Variants in IGSF10 observed in about 807,000 individuals in gnomAD.
IGSF10 encodes the protein calvaria mechanical force protein 608.
A neutral mutation model predicts 128.2 loss-of-function variants in IGSF10; 126 were observed. The observed-to-expected ratio is 0.98, with a 90% confidence interval of 0.85 to 1.14. IGSF10 has a LOEUF of 1.14. IGSF10 is among the 50% of genes most tolerant of loss of function. IGSF10 has a pLI of 0.00. For missense variants in IGSF10, 3,295 were observed against 3,149.8 expected (o/e 1.05, Z -1.10); for synonymous variants, 1,185 against 1,146.2 (o/e 1.03, Z -0.68).
the IGSF10 span, among the ~76,000 whole-genome samples, chr3:151,610,159 G>A: frequency 6.6e-6 from 1 of 152,168 alleles, no homozygotes; most frequent in Non-Finnish European, 1.5e-5. Context: ...GGTGGCAGTT[G>A]GGTGGAAGGA....
rs2108575062 is a variant in IGSF10, at chr3:151,457,007, C to CT, written c.324+18dup. 6.2e-7 allele frequency: 1 copy of CT among 1,614,026 alleles called. No individual in the cohort carries two copies. The highest frequency in any genetic ancestry group is 8.5e-7 in the Non-Finnish European group (1 of 1,179,956). ...CCACCTTACCTCTTTAACCTGCCCC[C>CT]TCTCTCCATCAGTCTCACCTGCAAG... On this transcript the variant is annotated intron_variant, in intron 4 of 7. Coordinates refer to ENST00000282466, the MANE Select transcript of IGSF10 (RefSeq NM_178822.5).
At chr3:151,611,769 T>G in the IGSF10 span, among the ~76,000 whole-genome samples, 1 of 152,322 alleles carries the variant, frequency 6.6e-6, no homozygotes, top group East Asian at 1.9e-4. Context: ...ATCATATATT[T>G]ATTTTGCTGC....
At chr3:151,494,978 A>G in the IGSF10 span, among the ~76,000 whole-genome samples, 1 of 152,136 alleles carries the variant, frequency 6.6e-6, no homozygotes, top group Admixed American at 6.5e-5. Context: ...AAAGCATAGA[A>G]AGAATAAATT....
chr3:151,447,081 T>C lies in IGSF10; in HGVS notation c.2900A>G (p.Asn967Ser), dbSNP rs766766610. 1.4e-5 allele frequency: 22 copies of C among 1,614,098 alleles called. No individual in the cohort carries two copies. The highest frequency in any genetic ancestry group is 1.7e-5 in the Non-Finnish European group (20 of 1,180,044). ...TTGAGTAGTGTGAGAATAGAAGTGA[T>C]TGTGCCTGGGTTCACTCACTTCTCT... ...SVREVSEPRH[N>S]HFYSHTTQIL... is the part of the protein sequence containing the mutation. The change falls in exon 6 of 8, where the codon AAT (asparagine) becomes AGT (serine). Residue 967 changes from asparagine to serine, a missense_variant. Asn to Ser is a conservative substitution (Grantham distance 46). Transcript: ENST00000282466.
the IGSF10 span, among the ~76,000 whole-genome samples, chr3:151,521,133 A>C: frequency 6.6e-6 from 1 of 152,004 alleles, no homozygotes; most frequent in African/African-American, 2.4e-5. Flanking sequence ...AAGACAAAGA[A>C]GGGCATTACA....
At chr3:151,570,930 T>C in the IGSF10 span, among the ~76,000 whole-genome samples, 1 of 152,216 alleles carries the variant, frequency 6.6e-6, no homozygotes, top group Non-Finnish European at 1.5e-5. Flanking sequence ...AAGGAAGGGA[T>C]CCAGTTTCAG....
the IGSF10 span, among the ~76,000 whole-genome samples, chr3:151,512,797 A>G: frequency 4.6e-5 from 7 of 152,236 alleles, no homozygotes; most frequent in Non-Finnish European, 7.3e-5. Flanking sequence ...CACTGATCCC[A>G]CAGAAATACA....
the IGSF10 span, among the ~76,000 whole-genome samples, chr3:151,471,879 G>C: frequency 6.6e-6 from 1 of 152,162 alleles, no homozygotes; most frequent in African/African-American, 2.4e-5. Flanking sequence ...ATCCAAGCCA[G>C]CTTCCTTACG....
At chr3:151,488,772 T>C in the IGSF10 span, among the ~76,000 whole-genome samples, 36 of 152,292 alleles carry the variant, frequency 2.4e-4, no homozygotes, top group East Asian at 6.4e-3. Context: ...GCTTGCCATA[T>C]GGAGAAAGCT....
chr3:151,575,821 C>A, the IGSF10 span, among the ~76,000 whole-genome samples: 2 of 152,186 alleles, frequency 1.3e-5, no homozygotes, highest in African/African-American at 4.8e-5. Context: ...ACACTGGGAG[C>A]TGCAGACCAG....
chr3:151,522,593 A>C, the IGSF10 span, among the ~76,000 whole-genome samples: 1 of 152,216 alleles, frequency 6.6e-6, no homozygotes, highest in African/African-American at 2.4e-5. Flanking sequence ...TAAAAACCAC[A>C]CAATTATCTC....
chr3:151,470,135 T>C, the IGSF10 span, among the ~76,000 whole-genome samples: 1 of 152,218 alleles, frequency 6.6e-6, no homozygotes, highest in Admixed American at 6.5e-5. Flanking sequence ...GCATCAAGAC[T>C]TAATGACACT....
the IGSF10 span, among the ~76,000 whole-genome samples, chr3:151,534,351 A>C: frequency 6.6e-6 from 1 of 152,206 alleles, no homozygotes; most frequent in Non-Finnish European, 1.5e-5. Context: ...AGACACATGC[A>C]CATGTATGTT....
the IGSF10 span, among the ~76,000 whole-genome samples, chr3:151,594,385 G>C: frequency 6.8e-6 from 1 of 146,414 alleles, no homozygotes; most frequent in African/African-American, 2.5e-5. Flanking sequence ...CCAGGCTGGA[G>C]TGCAGTGGCG....
Position 151,445,343 on chromosome 3 carries a change from CAGATT to C in IGSF10, c.4633_4637del (p.Asn1545ValfsTer13). 3.1e-6 allele frequency: 5 copies of C among 1,614,160 alleles called. No homozygotes were observed. The highest frequency in any genetic ancestry group is 2.2e-5 in the South Asian group (2 of 91,090). On this transcript the variant is annotated frameshift_variant, in exon 6 of 8. Transcript: ENST00000282466. LOFTEE classifies it high-confidence loss of function. ...GTGCTGGCATGGGAGTAGAATGTAA[CAGATT>C]AGAGTAGATGAAGTGAGTGGTTCCA... is the stretch of plus-strand genomic sequence containing the variant.
the IGSF10 span, among the ~76,000 whole-genome samples, chr3:151,619,849 G>A: frequency 1.3e-5 from 2 of 152,068 alleles, no homozygotes; most frequent in Non-Finnish European, 1.5e-5. Context: ...GAGTGGGTGA[G>A]TTATGAGAGT....
the IGSF10 span, among the ~76,000 whole-genome samples, chr3:151,603,339 G>C: frequency 6.6e-6 from 1 of 152,138 alleles, no homozygotes; most frequent in Non-Finnish European, 1.5e-5. Context: ...CTATTCATGG[G>C]GTGGTTGTGA....
At chr3:151,467,655 T>TG in the IGSF10 span, among the ~76,000 whole-genome samples, 1 of 151,626 alleles carries the variant, frequency 6.6e-6, no homozygotes, top group Non-Finnish European at 1.5e-5. Context: ...GAGGCCGAGG[T>TG]GGGTGGATCA....
the IGSF10 span, among the ~76,000 whole-genome samples, chr3:151,612,525 G>T: frequency 1.3e-5 from 2 of 152,130 alleles, no homozygotes; most frequent in Non-Finnish European, 2.9e-5. Flanking sequence ...AGAGCAATAA[G>T]AGTATAGAAG....
Sources: allele counts gnomAD v4.1 joint callset (sites outside exome capture counted in the v4.1 genomes callset), GRCh38; gene constraint gnomAD v4.1.1; transcripts MANE v1.5; gene names NCBI Gene and HGNC (gene_info 2026-07-23, HGNC 2026-07-21).